Variants in GALNTL6 observed in about 807,000 individuals in gnomAD.
GALNTL6 encodes the protein polypeptide N-acetylgalactosaminyltransferase like 6, also known as polypeptide N-acetylgalactosaminyltransferase-like 6.
Under a neutral mutation model 73.7 loss-of-function variants are expected in GALNTL6, and 46 were observed. The observed-to-expected ratio is 0.62, with a 90% CI of 0.49 to 0.80. GALNTL6 has a LOEUF of 0.80. Among genes scored for constraint, GALNTL6 ranks in the 30% least tolerant of loss-of-function variants. The pLI is 0.00. For synonymous variants in GALNTL6, 259 were observed against 263.7 expected (o/e 0.98, Z 0.17); for missense variants, 604 against 755.0 (o/e 0.80, Z 2.34).
intron 5 of GALNTL6, among the ~76,000 whole-genome samples, chr4:172,601,781 A>C (rs1579230678): frequency 6.6e-6 from 1 of 152,276 alleles, no homozygotes; most frequent in South Asian, 2.1e-4. Flanking sequence ...ATAGAGTCCC[A>C]GAAAAGGGGG....
intron 7 of GALNTL6, 35 bp from the exon 8 acceptor site, chr4:172,882,755 A>G (rs1561011718): frequency 7.8e-6 from 10 of 1,280,718 alleles, no homozygotes; most frequent in East Asian, 2.3e-5. Flanking sequence ...TGTAACGTTC[A>G]TAGTCCTTTA....
chr4:171,827,603 A>G (rs1560803754), intron 2 of GALNTL6, among the ~76,000 whole-genome samples: 1 of 152,178 alleles, frequency 6.6e-6, no homozygotes. Flanking sequence ...ATATGAAGCT[A>G]AAATCTAGAA....
At chr4:172,569,895 A>C (rs1360271370) in intron 5 of GALNTL6, among the ~76,000 whole-genome samples, 1 of 152,196 alleles carries the variant, frequency 6.6e-6, no homozygotes, top group African/African-American at 2.4e-5. Flanking sequence ...CCATCCACAG[A>C]TTTAAACAGA....
At chr4:172,640,895 A>G (rs1283068535) in intron 5 of GALNTL6, among the ~76,000 whole-genome samples, 1 of 152,036 alleles carries the variant, frequency 6.6e-6, no homozygotes, top group Non-Finnish European at 1.5e-5. Context: ...ATTCAGATTC[A>G]TATATATGAT....
intron 5 of GALNTL6, among the ~76,000 whole-genome samples, chr4:172,355,880 G>C (rs1578988302): frequency 6.6e-6 from 1 of 152,066 alleles, no homozygotes; most frequent in East Asian, 1.9e-4. Flanking sequence ...GGTTGACTTT[G>C]ACAGTTTTCA....
chr4:172,309,825 T>C (rs1578940551), intron 3 of GALNTL6, among the ~76,000 whole-genome samples: 1 of 151,956 alleles, frequency 6.6e-6, no homozygotes, highest in Admixed American at 6.6e-5. Flanking sequence ...AAAAATGTAA[T>C]GAAGGAAAGG....
intron 2 of GALNTL6, among the ~76,000 whole-genome samples, chr4:172,149,118 G>A (rs966677930): frequency 2.6e-5 from 4 of 152,158 alleles, no homozygotes; most frequent in African/African-American, 9.7e-5. Flanking sequence ...TTTTTAAACT[G>A]CATCAGATTC....
intron 10 of GALNTL6, among the ~76,000 whole-genome samples, chr4:172,987,708 T>C (rs1751351825): frequency 6.7e-6 from 1 of 150,288 alleles, no homozygotes; most frequent in Non-Finnish European, 1.5e-5. Flanking sequence ...ATTCTCATGA[T>C]AGTGAATGAG....
intron 2 of GALNTL6, among the ~76,000 whole-genome samples, chr4:172,148,625 A>G (rs1733988623): frequency 6.6e-6 from 1 of 152,180 alleles, no homozygotes; most frequent in African/African-American, 2.4e-5. Context: ...TGCATGTTAT[A>G]TCTCACCTGC....
chr4:172,829,566 T>G (rs1292128983), intron 7 of GALNTL6, among the ~76,000 whole-genome samples: 2 of 152,232 alleles, frequency 1.3e-5, no homozygotes, highest in Non-Finnish European at 2.9e-5. Context: ...GAACTTCAAA[T>G]GCGTATTTAG....
At chr4:172,780,980 A>G (rs1214754954) in intron 5 of GALNTL6, among the ~76,000 whole-genome samples, 1 of 152,210 alleles carries the variant, frequency 6.6e-6, no homozygotes, top group African/African-American at 2.4e-5. Context: ...CGTATCTTCA[A>G]AGAATTTGCC....
At position 171,906,169 on chromosome 4, in the gene GALNTL6, C is replaced by T. The variant is rs1351711714; in HGVS notation, c.138+91451C>T. Among the ~76,000 whole-genome samples the T allele has an allele frequency of 5.4e-5, 8 of 148,982 alleles. No individual in the cohort carries two copies. The East Asian group carries it at 1.6e-3, about 29-fold the overall frequency. On this transcript the variant is annotated intron_variant, in intron 2 of 12. Coordinates refer to ENST00000506823, the MANE Select transcript of GALNTL6 (RefSeq NM_001034845.3). Reference sequence around the variant, plus strand: ...AGAGCAGAACTGAAGGAAATAGAGACACAAAAAACCCTTCAAAAAATTAAT... The same window carrying T: ...AGAGCAGAACTGAAGGAAATAGAGATACAAAAAACCCTTCAAAAAATTAAT...
chr4:172,207,537 A>G (rs1456767424), intron 2 of GALNTL6, among the ~76,000 whole-genome samples: 4 of 152,214 alleles, frequency 2.6e-5, no homozygotes, highest in Admixed American at 6.5e-5. Context: ...GTTTAAATAA[A>G]TAGATAAACT....
At position 172,136,277 on chromosome 4, in the gene GALNTL6, G is replaced by C. The variant is rs1245941946; in HGVS notation, c.139-93379G>C. On this transcript the variant is annotated intron_variant, in intron 2 of 12. Coordinates refer to ENST00000506823, the MANE Select transcript of GALNTL6 (RefSeq NM_001034845.3). ...CTGGATATGGGACTTTGTAAAATTGGATTAAATCTAGATCACATTGAAAAA... is the reference window on the plus strand; with the variant it reads ...CTGGATATGGGACTTTGTAAAATTGCATTAAATCTAGATCACATTGAAAAA... 2.0e-5 allele frequency among the ~76,000 whole-genome samples: 3 copies of C among 151,914 alleles called. No homozygotes were observed. The South Asian group carries it at 6.2e-4, about 32-fold the overall frequency.
intron 2 of GALNTL6, among the ~76,000 whole-genome samples, chr4:171,854,615 T>G (rs1049384366): frequency 3.9e-5 from 6 of 152,184 alleles, no homozygotes; most frequent in African/African-American, 1.4e-4. Flanking sequence ...AGATTACATA[T>G]AAACAACTGA....
intron 10 of GALNTL6, among the ~76,000 whole-genome samples, chr4:172,956,086 A>T (rs1280818627): frequency 6.6e-6 from 1 of 152,170 alleles, no homozygotes; most frequent in South Asian, 2.1e-4. Flanking sequence ...TATATTAATA[A>T]GAAAAATAAA....
chr4:172,694,291 C>CTT (rs1733534677), intron 5 of GALNTL6, among the ~76,000 whole-genome samples: 1 of 152,100 alleles, frequency 6.6e-6, no homozygotes, highest in East Asian at 1.9e-4. Context: ...TTCTCCCTCC[C>CTT]CTTGCCCCCA....
At chr4:172,291,839 T>C (rs1739487533) in intron 3 of GALNTL6, among the ~76,000 whole-genome samples, 1 of 151,878 alleles carries the variant, frequency 6.6e-6, no homozygotes, top group African/African-American at 2.4e-5. Context: ...TATATTTTAA[T>C]AAAAGCAATG....
At chr4:172,430,416 C>T (rs1356493857) in intron 5 of GALNTL6, among the ~76,000 whole-genome samples, 2 of 151,970 alleles carry the variant, frequency 1.3e-5, no homozygotes, top group East Asian at 3.8e-4. Flanking sequence ...TTATAGAAAG[C>T]GTATCTCTAA....
Sources: gnomAD v4.1 joint callset for allele counts (sites outside exome capture counted in the v4.1 genomes callset) on GRCh38, gnomAD v4.1.1 for gene constraint, MANE v1.5 for transcripts, NCBI Gene and HGNC (gene_info 2026-07-23, HGNC 2026-07-21) for gene names.